ASAH1: variants seen among roughly 807,000 people sequenced by gnomAD.
ASAH1 encodes N-acylsphingosine amidohydrolase 1, also known as acid ceramidase.
A neutral mutation model predicts 59.5 loss-of-function variants in ASAH1; 70 were observed. That is an observed-to-expected ratio of 1.18 (90% confidence interval 0.97 to 1.43). The LOEUF is 1.43. ASAH1 is among the 40% of genes most tolerant of loss of function. ASAH1 has a pLI of 0.00. For missense variants in ASAH1, 660 were observed against 482.5 expected (o/e 1.37, Z -3.45); for synonymous variants, 213 against 166.5 (o/e 1.28, Z -2.15).
At chr8:18,084,805 G>A (rs1422510164), upstream of ASAH1, 3 of 1,613,276 alleles carry the variant, frequency 1.9e-6, no homozygotes, top group Admixed American at 1.7e-5. Flanking sequence ...AGTTCATTAA[G>A]CGGCTGTGTT....
At chr8:18,084,657 C>T (rs766635547), upstream of ASAH1, 1 of 1,613,150 alleles carries the variant, frequency 6.2e-7, no homozygotes, top group East Asian at 2.2e-5. Flanking sequence ...TCGGGTCCTC[C>T]AAGCTGTTGG....
intron 10 of ASAH1, 124 bp from the exon 11 acceptor site, chr8:18,059,827 T>C: frequency 1.0e-6 from 1 of 969,264 alleles, no homozygotes; most frequent in Non-Finnish European, 1.5e-6. Context: ...GTTTGTTACA[T>C]AGGTACACAC....
chr8:18,084,411 G>A (rs1033580864), upstream of ASAH1: 29 of 1,394,200 alleles, frequency 2.1e-5, no homozygotes, highest in Non-Finnish European at 2.2e-5. Flanking sequence ...CTTCACCCGT[G>A]GCGCCTCGAT....
At chr8:18,075,277 G>A (rs555769299) in intron 2 of ASAH1, among the ~76,000 whole-genome samples, 1 of 152,308 alleles carries the variant, frequency 6.6e-6, no homozygotes, top group South Asian at 2.1e-4. Flanking sequence ...ACAGGCGTGA[G>A]CCACCGCGTC....
chr8:18,067,055 T>C (rs1025436948), intron 5 of ASAH1, 165 bp downstream of exon 5: 2 of 251,022 alleles, frequency 8.0e-6, no homozygotes, highest in Non-Finnish European at 8.6e-6. Flanking sequence ...GCTACATGCA[T>C]GCATGCATTT....
chr8:18,060,909 T>C (rs1185167232), intron 10 of ASAH1: 2 of 176,074 alleles, frequency 1.1e-5, no homozygotes, highest in Non-Finnish European at 2.4e-5. Context: ...CGTGTCACCA[T>C]GCCTGGCTAA....
intron 1 of ASAH1, among the ~76,000 whole-genome samples, chr8:18,079,287 A>C (rs1378069853): frequency 1.3e-5 from 2 of 150,588 alleles, no homozygotes; most frequent in African/African-American, 2.5e-5. Context: ...AAAAAAAAAA[A>C]ACAAAAAACT....
intron 5 of ASAH1, chr8:18,066,347 A>C (rs567029333): frequency 1.3e-5 from 2 of 152,032 alleles, no homozygotes; most frequent in African/African-American, 4.8e-5. Context: ...AAAGTATGTA[A>C]AAAATTCCTT....
Position 18,057,616 on chromosome 8 carries a change from A to T in ASAH1, c.1106T>A (p.Val369Glu), listed in dbSNP as rs1471414405. 1 of 1,600,878 alleles carries T rather than the reference A, an allele frequency of 6.2e-7. No homozygotes were observed. The highest frequency in any genetic ancestry group is 2.3e-5 in the East Asian group (1 of 43,982). The change falls in exon 14 of 14, where the codon GTA becomes GAA. Residue 369 changes from valine (V) to glutamate (E), a missense_variant. Physicochemically the swap from Val to Glu is moderately radical, Grantham distance 121. Transcript: ENST00000637790. ...STKPVLNKLT[V>E]YTTLIDVTKG... ...GGTAACATCTATCAAGGTTGTGTAT[A>T]CGGTCAGCTGAAAGAAAAGTTATTT...
upstream of ASAH1, chr8:18,084,786 C>T: frequency 6.2e-7 from 1 of 1,613,570 alleles, no homozygotes; most frequent in Non-Finnish European, 8.5e-7. Flanking sequence ...TCTCCCAGCC[C>T]GATGCAGCAG....
At chr8:18,076,854 G>A (rs1039484242) in intron 1 of ASAH1, among the ~76,000 whole-genome samples, 1 of 152,208 alleles carries the variant, frequency 6.6e-6, no homozygotes, top group African/African-American at 2.4e-5. Context: ...ATATAAAGTA[G>A]GTTGACATTA....
At chr8:18,070,784 C>A (rs1800137771) in intron 3 of ASAH1, among the ~76,000 whole-genome samples, 1 of 152,030 alleles carries the variant, frequency 6.6e-6, no homozygotes, top group Non-Finnish European at 1.5e-5. Flanking sequence ...ATCAAAAGCA[C>A]AATTTTAAAC....
At chr8:18,067,498 T>G in intron 4 of ASAH1, 200 bp from the exon 5 acceptor site, 1 of 242,624 alleles carries the variant, frequency 4.1e-6, no homozygotes, top group East Asian at 9.4e-5. Context: ...AAAAAGATTC[T>G]ATGTAATACT....
At chr8:18,080,094 A>T (rs1229741852) in intron 1 of ASAH1, among the ~76,000 whole-genome samples, 2 of 152,164 alleles carry the variant, frequency 1.3e-5, no homozygotes, top group Non-Finnish European at 2.9e-5. Flanking sequence ...CCTCTTTGGG[A>T]GAAGTAGGGA....
intron 4 of ASAH1, 60 bp downstream of exon 4, chr8:18,069,732 A>G: frequency 7.8e-7 from 1 of 1,274,356 alleles, no homozygotes; most frequent in Non-Finnish European, 1.1e-6. Flanking sequence ...ATGCCTTTAA[A>G]TAAATAACAG....
rs768114708 is a variant in ASAH1 at position 18,058,895 on chromosome 8, A to AGTTTT, written c.1042-5_1042-4insAAAAC. The AGTTTT allele has an allele frequency of 6.2e-7, 1 of 1,610,352 alleles. No homozygotes were observed. The highest frequency in any genetic ancestry group is 1.7e-5 in the Admixed American group (1 of 59,990). On this transcript the variant is annotated splice_region_variant and splice_polypyrimidine_tract_variant and intron_variant, in intron 12 of 13. Transcript: ENST00000637790. ...ACATGGTTTCAAATGAGATATTCTA[A>AGTTTT]AACACAAGAAAATAGTTTTGTTCAG... is the stretch of plus-strand genomic sequence containing the variant.
intron 1 of ASAH1, chr8:18,082,428 G>T (rs1344917138): frequency 6.6e-6 from 1 of 152,114 alleles, no homozygotes; most frequent in African/African-American, 2.4e-5. Context: ...CAATCCCACA[G>T]ATACCTACGT....
intron 2 of ASAH1, among the ~76,000 whole-genome samples, chr8:18,072,946 C>CA (rs1264410325): frequency 2.0e-5 from 3 of 152,070 alleles, no homozygotes; most frequent in Non-Finnish European, 1.5e-5. Flanking sequence ...ATTCCTGATT[C>CA]TTTTTCAGCC....
intron 5 of ASAH1, chr8:18,067,008 G>C (rs548363864): frequency 4.6e-5 from 20 of 436,590 alleles, no homozygotes; most frequent in Non-Finnish European, 7.9e-5. Flanking sequence ...GAGCATCGTG[G>C]AGTGCTGGGC....
Sources: allele counts gnomAD v4.1 joint callset (sites outside exome capture counted in the v4.1 genomes callset), GRCh38; gene constraint gnomAD v4.1.1; transcripts MANE v1.5; gene names NCBI Gene and HGNC (gene_info 2026-07-23, HGNC 2026-07-21).